KCTD16: variants seen among roughly 807,000 people sequenced by gnomAD.
KCTD16 encodes BTB/POZ domain-containing protein KCTD16.
KCTD16 carries 13 observed loss-of-function variants against 33.2 expected under a neutral mutation model. That is an observed-to-expected ratio of 0.39 (90% confidence interval 0.25 to 0.62). The LOEUF is 0.62. KCTD16 is among the 20% of genes least tolerant of loss of function. KCTD16 has a pLI of 0.50. For synonymous variants in KCTD16, 197 were observed against 195.3 expected (o/e 1.01, Z -0.07); for missense variants, 441 against 525.1 (o/e 0.84, Z 1.57).
chr5:144,322,360 C>T lies in KCTD16; in HGVS notation c.832+114814C>T, dbSNP rs548626723. Reference sequence around the variant, plus strand: ...ATCCTACTGTTTGGTATAAAGATGACATGTGATATAAGTTGATCTAATCAG... The same window carrying T: ...ATCCTACTGTTTGGTATAAAGATGATATGTGATATAAGTTGATCTAATCAG... On this transcript the variant is annotated intron_variant, in intron 3 of 3. Coordinates refer to ENST00000512467, the MANE Select transcript of KCTD16 (RefSeq NM_020768.4). 2.6e-5 allele frequency among the ~76,000 whole-genome samples: 4 copies of T among 152,134 alleles called. No homozygotes were observed. In the East Asian group the frequency reaches 5.8e-4, roughly 22 times the overall value.
chr5:144,315,701 G>A (rs2126880703), intron 3 of KCTD16, among the ~76,000 whole-genome samples: 1 of 152,152 alleles, frequency 6.6e-6, no homozygotes, highest in African/African-American at 2.4e-5. Context: ...AGTTATTTAT[G>A]TAATGCCATG....
chr5:144,348,135 C>T (rs190735316), intron 3 of KCTD16, among the ~76,000 whole-genome samples: 1 of 152,296 alleles, frequency 6.6e-6, no homozygotes. Flanking sequence ...CTTTCTACCT[C>T]CTTCACCCAA....
intron 2 of KCTD16, among the ~76,000 whole-genome samples, chr5:144,180,917 A>G (rs1752608120): frequency 6.6e-6 from 1 of 151,588 alleles, no homozygotes; most frequent in South Asian, 2.1e-4. Flanking sequence ...AGACAATTAT[A>G]CTGCAACTTT....
intron 3 of KCTD16, among the ~76,000 whole-genome samples, chr5:144,346,715 C>T (rs1561575624): frequency 1.3e-5 from 2 of 151,930 alleles, no homozygotes; most frequent in African/African-American, 2.4e-5. Flanking sequence ...TAGACTTTTC[C>T]CTATAGAGTT....
chr5:144,235,669 A>C (rs1754231095), intron 3 of KCTD16, among the ~76,000 whole-genome samples: 1 of 152,098 alleles, frequency 6.6e-6, no homozygotes, highest in Non-Finnish European at 1.5e-5. Context: ...TATTACTAGT[A>C]TAGAAATGAG....
intron 3 of KCTD16, among the ~76,000 whole-genome samples, chr5:144,343,753 G>A (rs964568978): frequency 6.6e-6 from 1 of 152,196 alleles, no homozygotes; most frequent in African/African-American, 2.4e-5. Context: ...TGCTTTGAAT[G>A]TGTCCCAGAG....
chr5:144,272,238 AC>A (rs1012815328), intron 3 of KCTD16, among the ~76,000 whole-genome samples: 12 of 152,126 alleles, frequency 7.9e-5, no homozygotes, highest in African/African-American at 2.9e-4. Context: ...AGCCTGGCCA[AC>A]ATGATGAAAC....
At chr5:144,362,391 C>T (rs1002575520) in intron 3 of KCTD16, among the ~76,000 whole-genome samples, 2 of 152,106 alleles carry the variant, frequency 1.3e-5, no homozygotes, top group African/African-American at 2.4e-5. Context: ...GATAGATCCT[C>T]CTCTAGATAT....
chr5:144,285,619 A>G (rs774286417), intron 3 of KCTD16, among the ~76,000 whole-genome samples: 7 of 152,234 alleles, frequency 4.6e-5, no homozygotes, highest in Admixed American at 2.0e-4. Context: ...ACTGGGGTCT[A>G]TGTAAAACAC....
chr5:144,215,382 T>C (rs1356906406), intron 3 of KCTD16, among the ~76,000 whole-genome samples: 1 of 152,220 alleles, frequency 6.6e-6, no homozygotes, highest in African/African-American at 2.4e-5. Flanking sequence ...AACTGTACTG[T>C]GAGACCGACA....
chr5:144,289,468 A>G (rs1755835594), intron 3 of KCTD16, among the ~76,000 whole-genome samples: 1 of 152,114 alleles, frequency 6.6e-6, no homozygotes. Context: ...TGCCTGGGAA[A>G]CACCATCTGG....
intron 3 of KCTD16, among the ~76,000 whole-genome samples, chr5:144,407,629 T>C (rs569142959): frequency 1.3e-5 from 2 of 152,130 alleles, no homozygotes; most frequent in Non-Finnish European, 2.9e-5. Flanking sequence ...GCTGCACCCA[T>C]CAACCTTTCA....
chr5:144,282,951 T>C (rs1382254020), intron 3 of KCTD16, among the ~76,000 whole-genome samples: 1 of 151,958 alleles, frequency 6.6e-6, no homozygotes, highest in East Asian at 1.9e-4. Context: ...AAAAGAAAAA[T>C]TAAACTAAAT....
chr5:144,178,699 T>A (rs76671357), intron 2 of KCTD16, among the ~76,000 whole-genome samples: 269 of 152,350 alleles, frequency 1.8e-3, no homozygotes, highest in Admixed American at 5.2e-3. Context: ...TTTGGAAAGA[T>A]TAACATCATT....
chr5:144,350,525 T>A (rs1561576926), intron 3 of KCTD16, among the ~76,000 whole-genome samples: 1 of 152,184 alleles, frequency 6.6e-6, no homozygotes, highest in South Asian at 2.1e-4. Context: ...GCAGAGTTTT[T>A]AATCCCATAT....
At chr5:144,453,651 C>G (rs562126381) in intron 3 of KCTD16, among the ~76,000 whole-genome samples, 4 of 152,194 alleles carry the variant, frequency 2.6e-5, no homozygotes, top group African/African-American at 7.2e-5. Flanking sequence ...ATTATAGTTA[C>G]ATAAAATCCA....
At chr5:144,455,612 A>T (rs376104700) in intron 3 of KCTD16, among the ~76,000 whole-genome samples, 2 of 152,122 alleles carry the variant, frequency 1.3e-5, no homozygotes, top group East Asian at 3.9e-4. Context: ...GGATGGAGAG[A>T]GTTGGGACTG....
chr5:144,334,418 A>C (rs757407584), intron 3 of KCTD16, among the ~76,000 whole-genome samples: 1 of 152,142 alleles, frequency 6.6e-6, no homozygotes, highest in East Asian at 1.9e-4. Context: ...TCATAGACTT[A>C]AGGATTAAAT....
intron 3 of KCTD16, among the ~76,000 whole-genome samples, chr5:144,304,360 C>G (rs1751532603): frequency 6.6e-6 from 1 of 152,090 alleles, no homozygotes; most frequent in Non-Finnish European, 1.5e-5. Flanking sequence ...TAGTCTGACT[C>G]TCATTCCAGG....
Sources: allele counts gnomAD v4.1 joint callset (sites outside exome capture counted in the v4.1 genomes callset), GRCh38; gene constraint gnomAD v4.1.1; transcripts MANE v1.5; gene names NCBI Gene and HGNC (gene_info 2026-07-23, HGNC 2026-07-21).